NCAM1: variants seen among roughly 807,000 people sequenced by gnomAD.
NCAM1 encodes neural cell adhesion molecule 1.
In NCAM1, 14 loss-of-function variants were observed where a neutral mutation model predicts 109.8. The ratio of observed to expected loss-of-function variants is 0.13; its 90% CI spans 0.08 to 0.20. NCAM1 has a LOEUF of 0.20. Among genes scored for constraint, NCAM1 ranks in the 10% least tolerant of loss-of-function variants. The probability of loss-of-function intolerance (pLI) is 1.00; values close to 1 mark genes in which losing one functional copy is unlikely to be tolerated. For missense variants in NCAM1, 774 were observed against 1,109.9 expected, an observed-to-expected ratio of 0.70 and a Z score of 4.30; for synonymous variants, 418 against 442.9, an observed-to-expected ratio of 0.94 and a Z score of 0.70.
chr11:113,171,328 T>C (rs1555106197), intron 1 of NCAM1, among the ~76,000 whole-genome samples: 1 of 152,130 alleles, frequency 6.6e-6, no homozygotes, highest in Non-Finnish European at 1.5e-5. Context: ...TGGCTTGAAA[T>C]GCTCATGAGA....
Position 113,275,510 on chromosome 11 carries a change from ATCTCATT to A in NCAM1, c.*128_*134del. The A allele has an allele frequency of 1.7e-6, 2 of 1,184,874 alleles. No homozygotes were observed. Among genetic ancestry groups the A allele is most frequent in the Non-Finnish European group, 2.3e-6 (2 of 861,962 alleles). The allele number at this position is 1,184,874 out of a possible 1,614,324, so 73.4% of individuals were successfully genotyped here. ...CACAAACACACATGCACACACACAC[ATCTCATT>A]TCTCTAGTGTCTTTTGCCTTTAAAA... On this transcript the variant is annotated 3_prime_UTR_variant, in exon 20 of 20. Transcript: ENST00000316851.
chr11:113,086,442 C>T (rs190671211), intron 1 of NCAM1, among the ~76,000 whole-genome samples: 61 of 152,240 alleles, frequency 4.0e-4, no homozygotes, highest in African/African-American at 1.3e-3. Context: ...TTTCATTGAT[C>T]GGTGGACATA....
At chr11:113,213,178 G>C (rs1253268296) in intron 7 of NCAM1, among the ~76,000 whole-genome samples, 1 of 152,180 alleles carries the variant, frequency 6.6e-6, no homozygotes, top group Non-Finnish European at 1.5e-5. Flanking sequence ...GTATGAATTT[G>C]AATATAAAGC....
chr11:113,010,651 A>G (rs1482375718), intron 1 of NCAM1, among the ~76,000 whole-genome samples: 1 of 152,140 alleles, frequency 6.6e-6, no homozygotes, highest in Non-Finnish European at 1.5e-5. Flanking sequence ...TTTTTCTTTT[A>G]TGCTATACTC....
At chr11:113,244,602 C>A (rs1448401102) in intron 14 of NCAM1, among the ~76,000 whole-genome samples, 1 of 151,996 alleles carries the variant, frequency 6.6e-6, no homozygotes, top group Non-Finnish European at 1.5e-5. Flanking sequence ...GATCATCAAT[C>A]CATCAGTGGG....
At chr11:113,104,207 TGGG>T (rs1345382907) in intron 1 of NCAM1, among the ~76,000 whole-genome samples, 1 of 19,278 alleles carries the variant, frequency 5.2e-5, no homozygotes, top group East Asian at 1.2e-3. Context: ...GGAGGTGGGG[TGGG>T]GGGGGGGGCG....
At position 113,233,036 on chromosome 11, in the gene NCAM1, C is replaced by A; in HGVS notation, c.1523-111C>A. ...GGGCCAGGAGGACAGGATACAGTGACAGGATTCCCAAGAGTGAGCAGAAAT... is the reference window on the plus strand; with the variant it reads ...GGGCCAGGAGGACAGGATACAGTGAAAGGATTCCCAAGAGTGAGCAGAAAT... On this transcript the variant is annotated intron_variant, in intron 12 of 19. Coordinates refer to ENST00000316851, the MANE Select transcript of NCAM1 (RefSeq NM_181351.5). The surrounding 1 kb of genome is among the most constrained non-coding windows in gnomAD (Gnocchi z 4.5). The A allele has an allele frequency of 1.7e-6, 2 of 1,174,900 alleles. No homozygotes were observed. The highest frequency in any genetic ancestry group is 2.4e-6 in the Non-Finnish European group (2 of 827,762). 72.8% of individuals were successfully genotyped at this position (1,174,900 alleles called of 1,614,324 possible). A position where few individuals can be genotyped will look rare whatever the true frequency, so the allele number is the denominator to read the frequency against.
At chr11:113,031,490 A>C (rs1243231330) in intron 1 of NCAM1, among the ~76,000 whole-genome samples, 1 of 152,124 alleles carries the variant, frequency 6.6e-6, no homozygotes, top group East Asian at 1.9e-4. Flanking sequence ...TCAGGAGTTC[A>C]AGACCAGCCT....
At chr11:113,037,242 T>G (rs1952917142) in intron 1 of NCAM1, among the ~76,000 whole-genome samples, 1 of 152,186 alleles carries the variant, frequency 6.6e-6, no homozygotes, top group South Asian at 2.1e-4. Context: ...CAGCCACCTT[T>G]TTAAGATGAA....
chr11:113,077,159 A>G (rs1555086290), intron 1 of NCAM1, among the ~76,000 whole-genome samples: 1 of 152,234 alleles, frequency 6.6e-6, no homozygotes, highest in Non-Finnish European at 1.5e-5. Context: ...TGGAGGAGGC[A>G]GAATTGTCAG....
At chr11:113,026,879 C>A (rs988937959) in intron 1 of NCAM1, among the ~76,000 whole-genome samples, 2 of 152,172 alleles carry the variant, frequency 1.3e-5, no homozygotes, top group Non-Finnish European at 1.5e-5. Context: ...TTACCTCATG[C>A]CAGATATTTA....
chr11:113,023,093 A>G (rs1555076529), intron 1 of NCAM1, among the ~76,000 whole-genome samples: 1 of 152,196 alleles, frequency 6.6e-6, no homozygotes, highest in African/African-American at 2.4e-5. Flanking sequence ...GTGAATATCA[A>G]GAGAAGAGTT....
At chr11:113,235,766 C>T (rs1440906053) in intron 14 of NCAM1, among the ~76,000 whole-genome samples, 1 of 152,142 alleles carries the variant, frequency 6.6e-6, no homozygotes, top group Non-Finnish European at 1.5e-5. Context: ...GAATTGCTTC[C>T]CCCTGATTCC....
Position 113,149,253 on chromosome 11 carries a change from G to A in NCAM1, c.53-53126G>A, listed in dbSNP as rs150064609. Among the ~76,000 whole-genome samples, 588 of 152,316 alleles carry A rather than the reference G, an allele frequency of 3.9e-3. 2 individuals carry two copies. Among genetic ancestry groups the A allele is most frequent in the Non-Finnish European group, 6.2e-3 (420 of 68,038 alleles). On this transcript the variant is annotated intron_variant, in intron 1 of 19. Coordinates refer to ENST00000316851, the MANE Select transcript of NCAM1 (RefSeq NM_181351.5). ...CCCACAGCAAAGCCTGGCTAGGGCTGTGCCTTTCTGATGTGATGGGCATGT... is the reference window on the plus strand; with the variant it reads ...CCCACAGCAAAGCCTGGCTAGGGCTATGCCTTTCTGATGTGATGGGCATGT...
intron 17 of NCAM1, chr11:113,263,983 T>C (rs1946077670): frequency 1.0e-6 from 1 of 985,456 alleles, no homozygotes; most frequent in Non-Finnish European, 1.2e-6. Context: ...TAAACTCTCC[T>C]GAAAATCCAG....
chr11:113,016,688 C>G (rs10732853), intron 1 of NCAM1, among the ~76,000 whole-genome samples: 68,528 of 151,890 alleles, frequency 0.45, 16,334 homozygotes, highest in East Asian at 0.8. Flanking sequence ...ACTACCAGGT[C>G]ACACACAGTG....
chr11:113,040,788 A>G (rs1953050021), intron 1 of NCAM1: 1 of 152,174 alleles, frequency 6.6e-6, no homozygotes, highest in Middle Eastern at 3.2e-3. Flanking sequence ...GGTTTAGAAA[A>G]TGAAAGTGTT....
intron 1 of NCAM1, among the ~76,000 whole-genome samples, chr11:113,049,262 A>C (rs1953379770): frequency 6.6e-6 from 1 of 152,178 alleles, no homozygotes; most frequent in African/African-American, 2.4e-5. Flanking sequence ...CAATGAAAAA[A>C]AAATGATTCT....
intron 1 of NCAM1, among the ~76,000 whole-genome samples, chr11:113,064,227 G>C (rs1396730138): frequency 6.6e-6 from 1 of 152,200 alleles, no homozygotes; most frequent in African/African-American, 2.4e-5. Context: ...CTTCCTCACT[G>C]TGACGAGTGT....
Sources: allele counts gnomAD v4.1 joint callset (sites outside exome capture counted in the v4.1 genomes callset), GRCh38; gene constraint gnomAD v4.1.1; non-coding constraint Gnocchi (gnomAD v3.1); transcripts MANE v1.5; gene names NCBI Gene and HGNC (gene_info 2026-07-23, HGNC 2026-07-21).